The following WDFY4 variants were observed in gnomAD, a reference collection of about 807,000 sequenced individuals.
WDFY4 encodes the protein WD repeat- and FYVE domain-containing protein 4.
A neutral mutation model predicts 351.9 loss-of-function variants in WDFY4; 169 were observed. The observed-to-expected ratio is 0.48, with a 90% CI of 0.42 to 0.55. WDFY4 has a LOEUF of 0.55. Among genes scored for constraint, WDFY4 ranks in the 20% least tolerant of loss-of-function variants. WDFY4 has a pLI of 0.00. For synonymous variants in WDFY4, 1,622 were observed against 1,574.6 expected, an observed-to-expected ratio of 1.03 and a Z score of -0.71; for missense variants, 3,803 against 3,935.6, an observed-to-expected ratio of 0.97 and a Z score of 0.90.
chr10:48,754,117 T>C (rs1205206650), intron 12 of WDFY4, among the ~76,000 whole-genome samples: 1 of 152,208 alleles, frequency 6.6e-6, no homozygotes, highest in Non-Finnish European at 1.5e-5. Flanking sequence ...TAAATCATAC[T>C]TGGTCATGAC....
In WDFY4 at chr10:48,753,218, C is replaced by T. The variant is rs182566999; in HGVS notation, c.2460-7129C>T. Among the ~76,000 whole-genome samples the T allele has an allele frequency of 6.6e-4, 101 of 152,176 alleles. 1 individual carries two copies. Among genetic ancestry groups the T allele is most frequent in the African/African-American group, 2.4e-3 (98 of 41,554 alleles). ...GGCCCATATTTTAATTGGGTTGTTT[C>T]TCTTTTTGTTGCTAAGTTGTATGAA... On this transcript the variant is annotated intron_variant, in intron 12 of 61. Coordinates refer to ENST00000325239, the MANE Select transcript of WDFY4 (RefSeq NM_001394531.1).
At chr10:48,849,460 AC>A (rs1486551491) in intron 39 of WDFY4, among the ~76,000 whole-genome samples, 2 of 152,082 alleles carry the variant, frequency 1.3e-5, no homozygotes, top group African/African-American at 4.8e-5. Flanking sequence ...GACAAGACTT[AC>A]CCCCAAAATT....
At chr10:48,687,997 G>T (rs1328579679) in intron 1 of WDFY4, among the ~76,000 whole-genome samples, 1 of 152,066 alleles carries the variant, frequency 6.6e-6, no homozygotes, top group Non-Finnish European at 1.5e-5. Context: ...TGGTCAGGCT[G>T]GTCTTGAACT....
intron 31 of WDFY4, among the ~76,000 whole-genome samples, chr10:48,816,898 G>T (rs1002643230): frequency 6.6e-6 from 1 of 152,116 alleles, no homozygotes; most frequent in African/African-American, 2.4e-5. Context: ...GTACAATCAA[G>T]ATCTGTGTCA....
intron 47 of WDFY4, among the ~76,000 whole-genome samples, chr10:48,907,426 A>C (rs1289438582): frequency 6.6e-6 from 1 of 152,248 alleles, no homozygotes; most frequent in African/African-American, 2.4e-5. Flanking sequence ...AGTTCCTAAA[A>C]TCATTCTTAA....
Position 48,710,016 on chromosome 10 carries a change from C to T in WDFY4, c.234+50C>T, listed in dbSNP as rs112529402. The T allele has an allele frequency of 1.8e-3, 2,584 of 1,458,206 alleles. 18 individuals are homozygous for T. In the African/African-American group the frequency reaches 0.03, roughly 17 times the overall value. 90.3% of individuals were successfully genotyped at this position (1,458,206 alleles called of 1,614,324 possible). A position where few individuals can be genotyped will look rare whatever the true frequency, so the allele number is the denominator to read the frequency against. ...GTAAGGTGATAGGCGCTCTGGGACA[C>T]TTCTGGGATGATTGCATAGTGAAGT... is the stretch of plus-strand genomic sequence containing the variant. On this transcript the variant is annotated intron_variant, in intron 2 of 61. Transcript: ENST00000325239.
intron 7 of WDFY4, 25 bp downstream of exon 7, chr10:48,727,684 G>A: frequency 6.4e-7 from 1 of 1,550,470 alleles, no homozygotes; most frequent in Non-Finnish European, 8.7e-7. Flanking sequence ...TTGGTACGGG[G>A]AGAGCACAGG....
chr10:48,830,033 A>T (rs2068136006), intron 37 of WDFY4, among the ~76,000 whole-genome samples: 1 of 152,156 alleles, frequency 6.6e-6, no homozygotes, highest in Non-Finnish European at 1.5e-5. Flanking sequence ...GGTGAGAGAA[A>T]CAGTCTCCAG....
chr10:48,869,307 G>A (rs972917191), intron 40 of WDFY4, among the ~76,000 whole-genome samples: 2 of 152,120 alleles, frequency 1.3e-5, no homozygotes, highest in Non-Finnish European at 2.9e-5. Flanking sequence ...ACCAAATGAG[G>A]CCCTCCTAAG....
intron 1 of WDFY4, among the ~76,000 whole-genome samples, chr10:48,695,839 A>G (rs530336602): frequency 6.6e-6 from 1 of 152,206 alleles, no homozygotes; most frequent in South Asian, 2.1e-4. Flanking sequence ...ATTTTTGGCA[A>G]TGTGGAAGTA....
chr10:48,799,900 T>C (rs1373658117), intron 24 of WDFY4, among the ~76,000 whole-genome samples: 1 of 152,208 alleles, frequency 6.6e-6, no homozygotes. Flanking sequence ...TTTTTGTTTT[T>C]TTTTGAGACA....
chr10:48,721,493 C>A, intron 4 of WDFY4, 126 bp downstream of exon 4: 1 of 805,618 alleles, frequency 1.2e-6, no homozygotes, highest in Non-Finnish European at 2.0e-6. Context: ...TATTATTTCT[C>A]CTCCCTCCTC....
At chr10:48,805,874 C>A in intron 26 of WDFY4, 130 bp from the exon 27 acceptor site, 2 of 758,618 alleles carry the variant, frequency 2.6e-6, no homozygotes, top group Non-Finnish European at 4.6e-6. Flanking sequence ...ACACAGCATG[C>A]CATGATGATT....
At chr10:48,821,619 T>C (rs767747642) in intron 34 of WDFY4, among the ~76,000 whole-genome samples, 4 of 152,114 alleles carry the variant, frequency 2.6e-5, no homozygotes, top group Non-Finnish European at 5.9e-5. Context: ...AAATTGAAGG[T>C]TCATTCAAAA....
At chr10:48,938,238 G>C (rs1359808948) in intron 47 of WDFY4, among the ~76,000 whole-genome samples, 1 of 152,262 alleles carries the variant, frequency 6.6e-6, no homozygotes, top group Non-Finnish European at 1.5e-5. Context: ...GCAGGATTTT[G>C]AGATGTGTCT....
At chr10:48,700,190 G>T (rs1366601908) in intron 1 of WDFY4, among the ~76,000 whole-genome samples, 1 of 152,146 alleles carries the variant, frequency 6.6e-6, no homozygotes, top group Admixed American at 6.5e-5. Flanking sequence ...TCAGAGCACT[G>T]GTCCTTCAAT....
intron 12 of WDFY4, among the ~76,000 whole-genome samples, chr10:48,754,203 G>A (rs1182462804): frequency 6.6e-6 from 1 of 151,040 alleles, no homozygotes; most frequent in Non-Finnish European, 1.5e-5. Flanking sequence ...TGTTCATAAG[G>A]GACATTGATC....
At chr10:48,822,595 A>G (rs1179132092) in intron 35 of WDFY4, 58 bp downstream of exon 35, 13 of 1,415,836 alleles carry the variant, frequency 9.2e-6, no homozygotes, top group African/African-American at 1.4e-5. Context: ...GCTCCTGGCT[A>G]TTGTCCAGTT....
chr10:48,727,380 G>A (rs2064304908), intron 6 of WDFY4, 90 bp from the exon 7 acceptor site: 1 of 1,291,648 alleles, frequency 7.7e-7, no homozygotes, highest in African/African-American at 1.5e-5. Flanking sequence ...GTCTTGACAT[G>A]TTGTTTGGAG....
Sources: gnomAD v4.1 joint callset for allele counts (sites outside exome capture counted in the v4.1 genomes callset) on GRCh38, gnomAD v4.1.1 for gene constraint, MANE v1.5 for transcripts, NCBI Gene and HGNC (gene_info 2026-07-23, HGNC 2026-07-21) for gene names.